Variants in FGF12 observed in about 807,000 individuals in gnomAD.
The protein encoded by FGF12 is fibroblast growth factor 12B.
Under a neutral mutation model 23.6 loss-of-function variants are expected in FGF12, and 14 were observed. That is an observed-to-expected ratio of 0.59 (90% CI 0.39 to 0.93). The LOEUF (loss-of-function observed/expected upper bound fraction) is 0.93. FGF12 is among the 40% of genes least tolerant of loss of function. The pLI, the probability that FGF12 is intolerant of heterozygous loss-of-function variation, is 0.00. For synonymous variants in FGF12, 62 were observed against 77.3 expected (o/e 0.80, Z 1.04); for missense variants, 175 against 217.8 (o/e 0.80, Z 1.24).
intron 2 of FGF12, among the ~76,000 whole-genome samples, chr3:192,485,694 T>C (rs1404796588): frequency 6.6e-6 from 1 of 152,142 alleles, no homozygotes; most frequent in East Asian, 1.9e-4. Flanking sequence ...TGAAGTCTAA[T>C]TACCCTTAAG....
chr3:192,256,091 C>T (rs1712367767), intron 4 of FGF12, among the ~76,000 whole-genome samples: 1 of 151,998 alleles, frequency 6.6e-6, no homozygotes, highest in Non-Finnish European at 1.5e-5. Context: ...GAAGAGTGAA[C>T]CCAGCTGGTT....
chr3:192,482,378 A>T (rs1019837163), intron 2 of FGF12, among the ~76,000 whole-genome samples: 1 of 152,174 alleles, frequency 6.6e-6, no homozygotes, highest in African/African-American at 2.4e-5. Flanking sequence ...TCATGCCTGT[A>T]ATCCTAGCAC....
At chr3:192,511,686 G>A (rs1724482853) in intron 2 of FGF12, among the ~76,000 whole-genome samples, 2 of 151,838 alleles carry the variant, frequency 1.3e-5, no homozygotes. Flanking sequence ...TTAATGGATG[G>A]GTTTTACATG....
At chr3:192,305,679 A>AAAAAAAATATAT (rs1423738741) in intron 4 of FGF12, among the ~76,000 whole-genome samples, 1 of 131,934 alleles carries the variant, frequency 7.6e-6, no homozygotes, top group South Asian at 2.6e-4. Context: ...AAAAAAAAAA[A>AAAAAAAATATAT]ATATATATAT....
intron 4 of FGF12, among the ~76,000 whole-genome samples, chr3:192,303,768 C>T (rs1019348803): frequency 3.3e-5 from 5 of 152,196 alleles, no homozygotes; most frequent in Non-Finnish European, 7.3e-5. Flanking sequence ...TTTAATTTTT[C>T]CATCTCTTAA....
chr3:192,646,264 C>T (rs766482170), intron 2 of FGF12, among the ~76,000 whole-genome samples: 3 of 151,944 alleles, frequency 2.0e-5, no homozygotes, highest in Non-Finnish European at 2.9e-5. Context: ...AGGAAGTCAA[C>T]GTTTAATAAA....
intron 2 of FGF12, among the ~76,000 whole-genome samples, chr3:192,413,996 G>T (rs747512562): frequency 6.6e-6 from 1 of 152,042 alleles, no homozygotes; most frequent in Admixed American, 6.6e-5. Context: ...ATTTATTCAT[G>T]GTGCTTTATT....
chr3:192,561,643 T>TG (rs1712041340), intron 2 of FGF12, among the ~76,000 whole-genome samples: 1 of 152,210 alleles, frequency 6.6e-6, no homozygotes, highest in Non-Finnish European at 1.5e-5. Context: ...ATTACAGGCG[T>TG]GAGCCACCGT....
chr3:192,429,603 G>A (rs1391786405), intron 2 of FGF12, among the ~76,000 whole-genome samples: 6 of 152,204 alleles, frequency 3.9e-5, no homozygotes, highest in Non-Finnish European at 5.9e-5. Flanking sequence ...AGTGTACTTC[G>A]TGATGGCTGC....
chr3:192,403,240 T>C (rs1251275386), intron 2 of FGF12, among the ~76,000 whole-genome samples: 1 of 152,202 alleles, frequency 6.6e-6, no homozygotes, highest in Non-Finnish European at 1.5e-5. Context: ...TCTTCCAAAA[T>C]ATTCCTATTG....
intron 2 of FGF12, among the ~76,000 whole-genome samples, chr3:192,691,613 T>A (rs1220231889): frequency 6.6e-6 from 1 of 151,836 alleles, no homozygotes; most frequent in Non-Finnish European, 1.5e-5. Context: ...CAACTTAACA[T>A]TCTACCTCAA....
At chr3:192,506,225 T>A (rs978668514) in intron 2 of FGF12, among the ~76,000 whole-genome samples, 5 of 152,214 alleles carry the variant, frequency 3.3e-5, no homozygotes, top group Non-Finnish European at 7.3e-5. Flanking sequence ...GGAAGAGAAG[T>A]TGGGGGTCAG....
intron 2 of FGF12, among the ~76,000 whole-genome samples, chr3:192,644,145 T>G (rs1285123610): frequency 6.6e-6 from 1 of 152,216 alleles, no homozygotes; most frequent in East Asian, 1.9e-4. Flanking sequence ...ACAATTTTTT[T>G]TAGTTGGTGA....
intron 2 of FGF12, among the ~76,000 whole-genome samples, chr3:192,610,936 A>G (rs1182071627): frequency 2.8e-4 from 42 of 151,874 alleles, no homozygotes; most frequent in Admixed American, 2.8e-3. Context: ...CCTTATATAA[A>G]AATTGCAGCC....
intron 2 of FGF12, among the ~76,000 whole-genome samples, chr3:192,380,892 G>T (rs34203136): frequency 0.013 from 1,924 of 150,928 alleles, 25 homozygotes; most frequent in Non-Finnish European, 0.02. Flanking sequence ...CAATATACAG[G>T]TGAAAGTGTA....
intron 2 of FGF12, among the ~76,000 whole-genome samples, chr3:192,447,941 T>C (rs1722407575): frequency 6.6e-6 from 1 of 152,216 alleles, no homozygotes; most frequent in Non-Finnish European, 1.5e-5. Context: ...TTTAGCACCA[T>C]AAATTCGTTT....
chr3:192,406,545 ACTATTGC>A (rs1473265050), intron 2 of FGF12, among the ~76,000 whole-genome samples: 1 of 152,176 alleles, frequency 6.6e-6, no homozygotes, highest in African/African-American at 2.4e-5. Context: ...GGTAATTCAA[ACTATTGC>A]ATAAATCTTC....
At chr3:192,352,071 A>G (rs1443415135) in intron 3 of FGF12, among the ~76,000 whole-genome samples, 2 of 151,950 alleles carry the variant, frequency 1.3e-5, no homozygotes, top group South Asian at 4.2e-4. Flanking sequence ...CTCCAAACTT[A>G]TATTTGATCA....
chr3:192,447,392 AT>A (rs145979462), intron 2 of FGF12, among the ~76,000 whole-genome samples: 3,345 of 152,006 alleles, frequency 0.022, 141 homozygotes, highest in African/African-American at 0.073. Context: ...CCAAATACTC[AT>A]TTTTTTTCAA....
Sources: gnomAD v4.1 joint callset for allele counts (sites outside exome capture counted in the v4.1 genomes callset) on GRCh38, gnomAD v4.1.1 for gene constraint, MANE v1.5 for transcripts, NCBI Gene and HGNC (gene_info 2026-07-23, HGNC 2026-07-21) for gene names.